Variants in DDX54 observed in about 807,000 individuals in gnomAD.
DDX54 encodes the protein DEAD-box helicase 54.
A neutral mutation model predicts 105.5 loss-of-function variants in DDX54; 67 were observed. The observed-to-expected ratio is 0.64, with a 90% CI of 0.52 to 0.78. The LOEUF (loss-of-function observed/expected upper bound fraction) is 0.78, where lower values mean the gene tolerates loss of function less well. Ranked by LOEUF, DDX54 falls within the 30% of genes least tolerant of loss-of-function variation. DDX54 has a pLI of 0.00. For missense variants in DDX54, 1,206 were observed against 1,230.5 expected (o/e 0.98, Z 0.30); for synonymous variants, 514 against 509.9 (o/e 1.01, Z -0.11).
chr12:113,179,269 C>A lies in DDX54; in HGVS notation c.438G>T (p.Lys146Asn). The A allele has an allele frequency of 6.2e-7, 1 of 1,614,100 alleles. No homozygotes were observed. The highest frequency in any genetic ancestry group is 8.5e-7 in the Non-Finnish European group (1 of 1,180,022). The change falls in exon 4 of 20, where the codon AAG (lysine) becomes AAT (asparagine). Residue 146 changes from lysine (K) to asparagine (N), a missense_variant. Around this residue, in one of 3 missense-constraint regions of DDX54, gnomAD observed 33 missense variants for 56.0 expected, o/e 0.59. Coordinates refer to ENST00000306014, the MANE Select transcript of DDX54 (RefSeq NM_024072.4). ...VVAMARTGSG[K>N]TACFLLPMFE... is the part of the protein sequence containing the mutation. ...ACATTGGGAGGAGGAAGCAGGCTGT[C>A]TTGCCACTGCCCGTCCGGGCCATGG...
At chr12:113,183,896 C>T (rs1254639546) in intron 1 of DDX54, 2 of 152,146 alleles carry the variant, frequency 1.3e-5, no homozygotes, top group Non-Finnish European at 2.9e-5. Context: ...AAGTGATCCT[C>T]CCACATTGCC....
intron 5 of DDX54, among the ~76,000 whole-genome samples, chr12:113,178,159 C>T (rs535646505): frequency 7.9e-5 from 12 of 152,300 alleles, no homozygotes; most frequent in Admixed American, 7.8e-4. Context: ...ATCACTTGAG[C>T]CCAGGAGGTT....
Position 113,157,783 on chromosome 12 carries a change from C to T in DDX54, c.*1094G>A, listed in dbSNP as rs774309661. On this transcript the variant is annotated 3_prime_UTR_variant, in exon 20 of 20. Transcript: ENST00000306014. ...TGGACTGAGTGGCTCTTCCTGAATC[C>T]GTTTCCTCATTGGGAAGATGGGAGG... The T allele has an allele frequency of 2.1e-5, 20 of 949,718 alleles. No individual in the cohort carries two copies. Among genetic ancestry groups the T allele is most frequent in the East Asian group, 7.9e-5 (3 of 37,838 alleles). 58.8% of individuals were successfully genotyped at this position (949,718 alleles called of 1,614,324 possible).
chr12:113,185,354 G>T lies in DDX54; in HGVS notation c.98C>A (p.Ala33Asp). 1.3e-6 allele frequency: 2 copies of T among 1,585,700 alleles called. No homozygotes were observed. The highest frequency in any genetic ancestry group is 2.3e-5 in the East Asian group (1 of 42,996). ...KKGLRKRRGA[A>D]SQARGSDSED... ...CGAGTCGCTGCCGCGGGCCTGGGAG[G>T]CCGCGCCTCGGCGCTTCCGGAGCCC... Residue 33 changes from alanine to aspartate, a missense_variant, in exon 1 of 20, where the codon GCC becomes GAC. By Grantham distance (126) the Ala-to-Asp change is moderately radical. Around this residue, in one of 3 missense-constraint regions of DDX54, gnomAD observed 212 missense variants for 155.4 expected, o/e 1.36. Coordinates refer to ENST00000306014, the MANE Select transcript of DDX54 (RefSeq NM_024072.4).
intron 10 of DDX54, among the ~76,000 whole-genome samples, chr12:113,174,109 G>A (rs1952369019): frequency 6.6e-6 from 1 of 151,926 alleles, no homozygotes; most frequent in East Asian, 1.9e-4. Context: ...AACCTGGGAG[G>A]TGGAGGTTGC....
chr12:113,167,486 C>A (rs531934739), intron 12 of DDX54, among the ~76,000 whole-genome samples: 1 of 152,328 alleles, frequency 6.6e-6, no homozygotes, highest in Non-Finnish European at 1.5e-5. Flanking sequence ...GCGTTAATTA[C>A]CAACATTTGG....
At chr12:113,171,204 T>C (rs187916017) in intron 11 of DDX54, among the ~76,000 whole-genome samples, 34 of 152,262 alleles carry the variant, frequency 2.2e-4, no homozygotes, top group Middle Eastern at 3.4e-3. Context: ...ATGACACTTA[T>C]GAATTAAAAG....
At chr12:113,165,382 C>T (rs1952258579) in intron 14 of DDX54, among the ~76,000 whole-genome samples, 1 of 152,136 alleles carries the variant, frequency 6.6e-6, no homozygotes, top group Non-Finnish European at 1.5e-5. Flanking sequence ...GAATGGCTGC[C>T]CCATAGGACC....
At chr12:113,164,377 C>T in intron 14 of DDX54, 92 bp from the exon 15 acceptor site, 4 of 1,421,754 alleles carry the variant, frequency 2.8e-6, no homozygotes, top group Non-Finnish European at 3.7e-6. Flanking sequence ...GCGTTCTTCC[C>T]CAAGTCTTCC....
chr12:113,165,519 G>A (rs1048947485), intron 14 of DDX54, 125 bp downstream of exon 14: 60 of 1,005,982 alleles, frequency 6.0e-5, no homozygotes, highest in Admixed American at 2.2e-4. Context: ...CCTGCTGGGG[G>A]TCAGGAGTGC....
At chr12:113,183,078 T>G (rs1952485398) in intron 1 of DDX54, among the ~76,000 whole-genome samples, 1 of 152,184 alleles carries the variant, frequency 6.6e-6, no homozygotes, top group Admixed American at 6.5e-5. Flanking sequence ...CAGGCTGGTC[T>G]CGAACTCCTG....
chr12:113,157,350 C>A lies in DDX54; in HGVS notation c.*1527G>T. The A allele has an allele frequency of 1.8e-6, 1 of 564,284 alleles. No homozygotes were observed. The highest frequency in any genetic ancestry group is 3.2e-6 in the Non-Finnish European group (1 of 315,362). 35.0% of individuals were successfully genotyped at this position (564,284 alleles called of 1,614,324 possible). A position where few individuals can be genotyped will look rare whatever the true frequency, so the allele number is the denominator to read the frequency against. ...AAATGAAAATACTAATTGGATAGTG[C>A]AGGTGACAGCAGCGAGGAAGCTGTG... is the stretch of plus-strand genomic sequence containing the variant. On this transcript the variant is annotated 3_prime_UTR_variant, in exon 20 of 20. Coordinates refer to ENST00000306014, the MANE Select transcript of DDX54 (RefSeq NM_024072.4).
chr12:113,185,457 C>G lies in DDX54; in HGVS notation c.-6G>C. ...GGGCCCTTGTCGGCCGCCATTCGGG[C>G]CGCGCGCTGGGAACGCAGAAGGGGG... On this transcript the variant is annotated 5_prime_UTR_variant, in exon 1 of 20. Coordinates refer to ENST00000306014, the MANE Select transcript of DDX54 (RefSeq NM_024072.4). The G allele has an allele frequency of 3.3e-6, 5 of 1,498,514 alleles. No individual in the cohort carries two copies. The highest frequency in any genetic ancestry group is 4.4e-6 in the Non-Finnish European group (5 of 1,127,894). 92.8% of individuals were successfully genotyped at this position (1,498,514 alleles called of 1,614,324 possible). A position where few individuals can be genotyped will look rare whatever the true frequency, so the allele number is the denominator to read the frequency against.
intron 10 of DDX54, among the ~76,000 whole-genome samples, chr12:113,174,281 C>T (rs1952371644): frequency 6.6e-6 from 1 of 151,912 alleles, no homozygotes; most frequent in African/African-American, 2.4e-5. Context: ...AGTTCAAGAC[C>T]AGCTTGGGCA....
In DDX54 at chr12:113,158,737, G is replaced by T; in HGVS notation, c.*140C>A. On this transcript the variant is annotated 3_prime_UTR_variant, in exon 20 of 20. Coordinates refer to ENST00000306014, the MANE Select transcript of DDX54 (RefSeq NM_024072.4). The surrounding 1 kb of genome is among the most constrained non-coding windows in gnomAD (Gnocchi z 4.9). ...TGCTGCCCTTCTGTGGCCATACAGT[G>T]CTCCTTTTCACAGATGATGGCTCCT... 1.1e-6 allele frequency: 1 copy of T among 912,652 alleles called. No homozygotes were observed. Among genetic ancestry groups the T allele is most frequent in the Non-Finnish European group, 1.6e-6 (1 of 618,242 alleles). 56.5% of individuals were successfully genotyped at this position (912,652 alleles called of 1,614,324 possible).
chr12:113,169,674 T>C, intron 12 of DDX54, 96 bp downstream of exon 12: 1 of 1,377,614 alleles, frequency 7.3e-7, no homozygotes, highest in African/African-American at 1.5e-5. Context: ...GGAATCATCT[T>C]CTGCTGGGGT....
chr12:113,181,531 G>C (rs867217594), intron 1 of DDX54, among the ~76,000 whole-genome samples: 1 of 148,474 alleles, frequency 6.7e-6, no homozygotes, highest in Admixed American at 6.7e-5. Flanking sequence ...GGCTAGTCTT[G>C]AATTCCTGGC....
In DDX54 at chr12:113,175,106, G is replaced by C. The variant is rs965942490; in HGVS notation, c.804C>G (p.Leu268=). The change falls in exon 8 of 20, where the codon CTC becomes CTG. Residue 268 remains leucine (L), a synonymous_variant. Transcript: ENST00000306014. ...AEQLQEIIAR[L]PGGHQTVLFS... is the part of the protein sequence containing the mutation. Reference sequence around the variant, plus strand: ...ACAGCACCGTCTGGTGGCCCCCGGGGAGGCGGGCGATGATCTCCTGCAGCT... The same window carrying C: ...ACAGCACCGTCTGGTGGCCCCCGGGCAGGCGGGCGATGATCTCCTGCAGCT... 1 of 1,613,744 alleles carries C rather than the reference G, an allele frequency of 6.2e-7. No homozygotes were observed. The highest frequency in any genetic ancestry group is 8.5e-7 in the Non-Finnish European group (1 of 1,179,996).
intron 11 of DDX54, 28 bp downstream of exon 11, chr12:113,172,325 G>T: frequency 6.2e-7 from 1 of 1,605,230 alleles, no homozygotes; most frequent in Non-Finnish European, 8.5e-7. Flanking sequence ...ACCCCTGCCT[G>T]CCCCAGGGCC....
Sources: gnomAD v4.1 joint callset for allele counts (sites outside exome capture counted in the v4.1 genomes callset) on GRCh38, gnomAD v4.1.1 for gene constraint, gnomAD v4.1.1 regional missense constraint, Gnocchi (gnomAD v3.1) non-coding constraint, MANE v1.5 for transcripts, NCBI Gene and HGNC (gene_info 2026-07-23, HGNC 2026-07-21) for gene names.